The following MBNL2 variants were observed in gnomAD, a reference collection of about 807,000 sequenced individuals.
The protein encoded by MBNL2 is muscleblind like splicing regulator 2, also known as muscleblind-like protein 2.
In MBNL2, 17 loss-of-function variants were observed where a neutral mutation model predicts 41.9. The ratio of observed to expected loss-of-function variants is 0.41; its 90% CI spans 0.28 to 0.61. The LOEUF (loss-of-function observed/expected upper bound fraction) is 0.61, where lower values mean the gene tolerates loss of function less well. MBNL2 is among the 20% of genes least tolerant of loss of function. The pLI is 0.35. For missense variants in MBNL2, 336 were observed against 505.6 expected (o/e 0.66, Z 3.22); for synonymous variants, 195 against 182.9 (o/e 1.07, Z -0.53).
chr13:97,252,386 C>G (rs1244486532), intron 1 of MBNL2, among the ~76,000 whole-genome samples: 2 of 148,818 alleles, frequency 1.3e-5, no homozygotes, highest in East Asian at 3.9e-4. Context: ...TTTTCAGGTT[C>G]TTCCCCATAC....
the MBNL2 span, among the ~76,000 whole-genome samples, chr13:97,156,512 G>A: frequency 7.5e-6 from 1 of 133,030 alleles, no homozygotes; most frequent in African/African-American, 2.9e-5. Context: ...TTTCTTCTAG[G>A]GTTTTTATGG....
the MBNL2 span, among the ~76,000 whole-genome samples, chr13:97,204,288 TTA>T: frequency 2.0e-5 from 3 of 152,222 alleles, no homozygotes; most frequent in Non-Finnish European, 4.4e-5. Flanking sequence ...CTGGGATTTG[TTA>T]TAGAGTCCCA....
intron 1 of MBNL2, among the ~76,000 whole-genome samples, chr13:97,258,815 G>A (rs187150506): frequency 6.6e-6 from 1 of 152,358 alleles, no homozygotes; most frequent in Admixed American, 6.5e-5. Context: ...TCAATAGCCA[G>A]ATCACAGATC....
chr13:97,317,046 C>T (rs1374276154), intron 2 of MBNL2, among the ~76,000 whole-genome samples: 1 of 152,174 alleles, frequency 6.6e-6, no homozygotes, highest in African/African-American at 2.4e-5. Flanking sequence ...TGTCACACAT[C>T]TGATGGCCTG....
At chr13:97,218,440 C>CAAAAACAAAA (rs1555302257), upstream of MBNL2, among the ~76,000 whole-genome samples, 4 of 117,972 alleles carry the variant, frequency 3.4e-5, no homozygotes, top group African/African-American at 1.4e-4. Context: ...CAAAACAAAA[C>CAAAAACAAAA]AAAAAAAAAA....
At chr13:97,211,926 T>A in the MBNL2 span, among the ~76,000 whole-genome samples, 1 of 152,176 alleles carries the variant, frequency 6.6e-6, no homozygotes, top group East Asian at 1.9e-4. Flanking sequence ...TGAGTTAGTG[T>A]GATGAATCTA....
chr13:97,167,187 C>T, the MBNL2 span, among the ~76,000 whole-genome samples: 1 of 152,134 alleles, frequency 6.6e-6, no homozygotes, highest in African/African-American at 2.4e-5. Flanking sequence ...CAGAGTCATT[C>T]AACTTAAAAT....
intron 2 of MBNL2, among the ~76,000 whole-genome samples, chr13:97,331,662 G>A (rs1472343659): frequency 6.6e-6 from 1 of 152,042 alleles, no homozygotes; most frequent in African/African-American, 2.4e-5. Flanking sequence ...TATCTTCTGA[G>A]CCCATCTGCT....
chr13:97,280,287 G>A (rs1261058185), intron 2 of MBNL2, among the ~76,000 whole-genome samples: 1 of 151,980 alleles, frequency 6.6e-6, no homozygotes, highest in Non-Finnish European at 1.5e-5. Context: ...TCAAGAAGGG[G>A]GTGCATAAAT....
intron 7 of MBNL2, among the ~76,000 whole-genome samples, chr13:97,358,569 G>A (rs548104271): frequency 5.3e-5 from 8 of 152,126 alleles, no homozygotes; most frequent in South Asian, 2.1e-4. Context: ...CATTTGCACC[G>A]ACATCTCTAA....
chr13:97,340,272 A>G (rs745573418), intron 3 of MBNL2, among the ~76,000 whole-genome samples: 6 of 152,234 alleles, frequency 3.9e-5, no homozygotes, highest in Non-Finnish European at 7.3e-5. Context: ...ATGCTACATC[A>G]AAAAGGAACA....
At chr13:97,279,868 G>T (rs1477751656) in intron 2 of MBNL2, among the ~76,000 whole-genome samples, 1 of 152,160 alleles carries the variant, frequency 6.6e-6, no homozygotes, top group Non-Finnish European at 1.5e-5. Context: ...TGCATTTGTA[G>T]AAGACATTTT....
intron 2 of MBNL2, among the ~76,000 whole-genome samples, chr13:97,286,371 T>C (rs1365259115): frequency 6.6e-6 from 1 of 152,202 alleles, no homozygotes; most frequent in Non-Finnish European, 1.5e-5. Context: ...TTATAAGTCC[T>C]GTTCTCTCAG....
intron 1 of MBNL2, among the ~76,000 whole-genome samples, chr13:97,266,754 T>C (rs1566377038): frequency 1.3e-5 from 2 of 152,026 alleles, no homozygotes; most frequent in Non-Finnish European, 2.9e-5. Context: ...AAATTAAAAA[T>C]AGGAAACTCA....
chr13:97,247,775 C>T (rs996753794), intron 1 of MBNL2, among the ~76,000 whole-genome samples: 2 of 152,134 alleles, frequency 1.3e-5, no homozygotes, highest in African/African-American at 4.8e-5. Context: ...CTTCAAATAG[C>T]TTCATAAGCA....
chr13:97,278,449 T>C (rs1477389351), intron 2 of MBNL2, among the ~76,000 whole-genome samples: 4 of 152,148 alleles, frequency 2.6e-5, no homozygotes, highest in African/African-American at 7.2e-5. Flanking sequence ...TTTAAAAACC[T>C]TATATTCTTT....
chr13:97,311,194 T>A (rs1277365833), intron 2 of MBNL2, among the ~76,000 whole-genome samples: 1 of 152,118 alleles, frequency 6.6e-6, no homozygotes, highest in East Asian at 1.9e-4. Context: ...AGAGCCAGAA[T>A]GGGAGGTAGA....
the MBNL2 span, among the ~76,000 whole-genome samples, chr13:97,211,912 G>T: frequency 6.6e-6 from 1 of 152,146 alleles, no homozygotes; most frequent in African/African-American, 2.4e-5. Context: ...AATGGATATC[G>T]GAATGAGTTA....
At chr13:97,187,119 T>C in the MBNL2 span, among the ~76,000 whole-genome samples, 15 of 152,338 alleles carry the variant, frequency 9.8e-5, no homozygotes, top group South Asian at 4.1e-4. Flanking sequence ...AACAGATGAG[T>C]ACTTAGAAAG....
Sources: gnomAD v4.1 joint callset for allele counts (sites outside exome capture counted in the v4.1 genomes callset) on GRCh38, gnomAD v4.1.1 for gene constraint, MANE v1.5 for transcripts, NCBI Gene and HGNC (gene_info 2026-07-23, HGNC 2026-07-21) for gene names.